ARHGAP26: variants seen among roughly 807,000 people sequenced by gnomAD.
ARHGAP26 encodes Rho GTPase activating protein 26, also known as rho GTPase-activating protein 26.
ARHGAP26 carries 38 observed loss-of-function variants against 104.8 expected under a neutral mutation model. That is an observed-to-expected ratio of 0.36 (90% CI 0.28 to 0.48). The LOEUF (loss-of-function observed/expected upper bound fraction) is 0.48. ARHGAP26 is among the 20% of genes least tolerant of loss of function. The probability of loss-of-function intolerance (pLI) is 0.99; values close to 1 mark genes in which losing one functional copy is unlikely to be tolerated. For missense variants in ARHGAP26, 704 were observed against 947.9 expected (o/e 0.74, Z 3.38); for synonymous variants, 341 against 340.0 (o/e 1.00, Z -0.03).
At chr5:143,200,461 A>G (rs1807522015) in intron 20 of ARHGAP26, among the ~76,000 whole-genome samples, 1 of 152,250 alleles carries the variant, frequency 6.6e-6, no homozygotes, top group African/African-American at 2.4e-5. Flanking sequence ...GGTTACAGAA[A>G]TCAGAGTATA....
intron 1 of ARHGAP26, among the ~76,000 whole-genome samples, chr5:142,826,048 C>T (rs942084301): frequency 2.0e-5 from 3 of 152,196 alleles, no homozygotes; most frequent in South Asian, 2.1e-4. Flanking sequence ...GAAAATTACT[C>T]TGTGCTTCAT....
Position 143,164,438 on chromosome 5 carries a change from T to C in ARHGAP26, c.1988+17057T>C, listed in dbSNP as rs570154927. On this transcript the variant is annotated intron_variant, in intron 20 of 22. Coordinates refer to ENST00000645722, the MANE Select transcript of ARHGAP26 (RefSeq NM_001135608.3). Reference sequence around the variant, plus strand: ...ACAAGCCAGTTATTAAGTTATTAAGTTCTGCCTTTAATTTCAGCTTGAATC... The same window carrying C: ...ACAAGCCAGTTATTAAGTTATTAAGCTCTGCCTTTAATTTCAGCTTGAATC... Among the ~76,000 whole-genome samples, 9 of 152,356 alleles carry C rather than the reference T, an allele frequency of 5.9e-5. No individual in the cohort carries two copies. The South Asian group carries it at 1.9e-3, about 32-fold the overall frequency.
rs1760405758 is a variant in ARHGAP26 at position 142,901,961 on chromosome 5, C to A, written c.624C>A (p.Phe208Leu). Residue 208 changes from phenylalanine to leucine, a missense_variant, in exon 7 of 23, where the codon TTC (phenylalanine) becomes TTA (leucine). Phe to Leu is a conservative substitution (Grantham distance 22, BLOSUM62 0). Around this residue, in one of 6 missense-constraint regions of ARHGAP26, gnomAD observed 16 missense variants for 46.4 expected, o/e 0.34. Transcript: ENST00000645722. Reference protein sequence around the residue: ...EPLLAFLQGLFTFYHHGYELA... With the variant: ...EPLLAFLQGLLTFYHHGYELA... ...TGCTGGCCTTCCTGCAAGGACTCTTCACTTTCTATCACCATGGTTACGAAC... is the reference window on the plus strand; with the variant it reads ...TGCTGGCCTTCCTGCAAGGACTCTTAACTTTCTATCACCATGGTTACGAAC... 1.2e-6 allele frequency: 2 copies of A among 1,614,038 alleles called. No individual in the cohort carries two copies. The highest frequency in any genetic ancestry group is 1.7e-6 in the Non-Finnish European group (2 of 1,179,896).
At chr5:142,865,943 A>C (rs1235227733) in intron 1 of ARHGAP26, among the ~76,000 whole-genome samples, 1 of 152,024 alleles carries the variant, frequency 6.6e-6, no homozygotes, top group Non-Finnish European at 1.5e-5. Flanking sequence ...GCATCTTCCC[A>C]TGACTGCTTC....
chr5:143,030,629 A>G (rs187110349), intron 12 of ARHGAP26, among the ~76,000 whole-genome samples: 9 of 152,376 alleles, frequency 5.9e-5, no homozygotes, highest in Non-Finnish European at 1.2e-4. Flanking sequence ...GGAGGACCAA[A>G]AGGTTAAAAG....
chr5:143,089,922 A>G (rs551107994), intron 17 of ARHGAP26, among the ~76,000 whole-genome samples: 1 of 152,214 alleles, frequency 6.6e-6, no homozygotes, highest in Non-Finnish European at 1.5e-5. Flanking sequence ...GGGATAGCCA[A>G]TTGGACTAAA....
intron 14 of ARHGAP26, among the ~76,000 whole-genome samples, chr5:143,053,859 G>T (rs1393188675): frequency 6.6e-6 from 1 of 151,228 alleles, no homozygotes; most frequent in Non-Finnish European, 1.5e-5. Context: ...GACATATCTT[G>T]TTTTTTTTTA....
intron 18 of ARHGAP26, among the ~76,000 whole-genome samples, chr5:143,131,246 T>C (rs1562480715): frequency 6.6e-6 from 1 of 152,248 alleles, no homozygotes; most frequent in Non-Finnish European, 1.5e-5. Context: ...TGGTCCTTCC[T>C]CACCAGTTAC....
Position 143,014,134 on chromosome 5 carries a change from G to A in ARHGAP26, c.1144+18G>A, listed in dbSNP as rs755244253. 1 of 1,613,868 alleles carries A rather than the reference G, an allele frequency of 6.2e-7. No homozygotes were observed. Among genetic ancestry groups the A allele is most frequent in the African/African-American group, 1.3e-5 (1 of 74,912 alleles). On this transcript the variant is annotated intron_variant, in intron 12 of 22. Coordinates refer to ENST00000645722, the MANE Select transcript of ARHGAP26 (RefSeq NM_001135608.3). Reference sequence around the variant, plus strand: ...TGAAGGGAGTAAGTACGATGCTTGGGTAACCTTCTACAGCCAGGGTTGGGA... The same window carrying A: ...TGAAGGGAGTAAGTACGATGCTTGGATAACCTTCTACAGCCAGGGTTGGGA...
rs193002797 is a variant in ARHGAP26, at chr5:143,180,314, C to T, written c.1989-26884C>T. 3.1e-3 allele frequency among the ~76,000 whole-genome samples: 473 copies of T among 152,112 alleles called. 3 individuals are homozygous for T. The highest frequency in any genetic ancestry group is 0.011 in the African/African-American group (455 of 41,490). The stretch of plus-strand genomic sequence containing the variant: ...CTAATTTTTGTATTTTTAGTAGAGA[C>T]GGGGTTTCACCATGTTGGCCAGGAT... On this transcript the variant is annotated intron_variant, in intron 20 of 22. Transcript: ENST00000645722.
At chr5:142,952,225 T>A (rs1768500698) in intron 11 of ARHGAP26, among the ~76,000 whole-genome samples, 1 of 152,184 alleles carries the variant, frequency 6.6e-6, no homozygotes, top group Non-Finnish European at 1.5e-5. Flanking sequence ...ACCTGTCCTT[T>A]TGTGGGCCAC....
At chr5:142,796,216 G>T (rs1172908540) in intron 1 of ARHGAP26, among the ~76,000 whole-genome samples, 1 of 152,064 alleles carries the variant, frequency 6.6e-6, no homozygotes, top group Non-Finnish European at 1.5e-5. Flanking sequence ...ATTAATGAAT[G>T]AATGCTTTGA....
At chr5:142,931,847 G>A (rs1764768441) in intron 10 of ARHGAP26, among the ~76,000 whole-genome samples, 200 bp from the exon 11 acceptor site, 1 of 152,320 alleles carries the variant, frequency 6.6e-6, no homozygotes, top group Non-Finnish European at 1.5e-5. Context: ...CTCTCTGAGG[G>A]AGATGGGCTG....
intron 20 of ARHGAP26, among the ~76,000 whole-genome samples, chr5:143,206,259 G>A (rs908282564): frequency 8.5e-5 from 13 of 152,240 alleles, no homozygotes; most frequent in African/African-American, 2.7e-4. Context: ...AAGTGGTGGT[G>A]TGGCTGAACT....
intron 1 of ARHGAP26, among the ~76,000 whole-genome samples, chr5:142,834,397 T>A (rs896242862): frequency 1.3e-5 from 2 of 152,280 alleles, no homozygotes; most frequent in African/African-American, 4.8e-5. Context: ...GAAAAGTTTT[T>A]AATCATTTTG....
chr5:143,004,194 T>C (rs543009622), intron 11 of ARHGAP26, among the ~76,000 whole-genome samples: 1 of 152,296 alleles, frequency 6.6e-6, no homozygotes, highest in African/African-American at 2.4e-5. Flanking sequence ...GCTGTTGTTA[T>C]AGGTAAATTT....
At chr5:142,866,370 G>A (rs1254490136) in intron 1 of ARHGAP26, among the ~76,000 whole-genome samples, 2 of 152,142 alleles carry the variant, frequency 1.3e-5, no homozygotes, top group South Asian at 2.1e-4. Context: ...TCTTGGGCAC[G>A]TTATTTAACC....
chr5:142,960,439 C>T (rs1770029325), intron 11 of ARHGAP26, among the ~76,000 whole-genome samples: 1 of 152,214 alleles, frequency 6.6e-6, no homozygotes, highest in African/African-American at 2.4e-5. Context: ...AATTGCACAT[C>T]ATTCTGAGTA....
chr5:142,877,456 T>C (rs984659366), intron 3 of ARHGAP26, among the ~76,000 whole-genome samples: 2 of 151,312 alleles, frequency 1.3e-5, no homozygotes, highest in African/African-American at 4.8e-5. Flanking sequence ...TGGGCTTCCA[T>C]GTCCCCAACA....
Sources: gnomAD v4.1 joint callset for allele counts (sites outside exome capture counted in the v4.1 genomes callset) on GRCh38, gnomAD v4.1.1 for gene constraint, gnomAD v4.1.1 regional missense constraint, MANE v1.5 for transcripts, NCBI Gene and HGNC (gene_info 2026-07-23, HGNC 2026-07-21) for gene names.